Variants in RIPOR2 observed in about 807,000 individuals in gnomAD.
RIPOR2 encodes rho family-interacting cell polarization regulator 2.
RIPOR2 carries 39 observed loss-of-function variants against 114.5 expected under a neutral mutation model. That is an observed-to-expected ratio of 0.34 (90% CI 0.26 to 0.44). RIPOR2 has a LOEUF of 0.44. Ranked by LOEUF, RIPOR2 falls within the 20% of genes least tolerant of loss-of-function variation. The pLI, the probability that RIPOR2 is intolerant of heterozygous loss-of-function variation, is 1.00. For missense variants in RIPOR2, 1,007 were observed against 1,255.1 expected, an observed-to-expected ratio of 0.80 and a Z score of 2.99; for synonymous variants, 445 against 484.4, an observed-to-expected ratio of 0.92 and a Z score of 1.07.
intron 8 of RIPOR2, among the ~76,000 whole-genome samples, chr6:24,860,715 G>A (rs186303984): frequency 1.2e-4 from 18 of 152,270 alleles, no homozygotes; most frequent in Admixed American, 5.9e-4. Flanking sequence ...TTACATCTAG[G>A]TGATGGGTTT....
intron 1 of RIPOR2, among the ~76,000 whole-genome samples, chr6:24,909,352 A>T (rs1302723115): frequency 6.6e-6 from 1 of 152,066 alleles, no homozygotes; most frequent in Non-Finnish European, 1.5e-5. Flanking sequence ...GTTCTCGGAG[A>T]GTTCGTGGCT....
At chr6:24,850,022 T>G in intron 10 of RIPOR2, 72 bp from the exon 11 acceptor site, 1 of 1,323,586 alleles carries the variant, frequency 7.6e-7, no homozygotes, top group Non-Finnish European at 1.1e-6. Context: ...TGTGTCATTT[T>G]TTTTACTGAG....
At chr6:24,963,399 A>T (rs1385119278) in intron 1 of RIPOR2, among the ~76,000 whole-genome samples, 1 of 152,206 alleles carries the variant, frequency 6.6e-6, no homozygotes, top group African/African-American at 2.4e-5. Flanking sequence ...ATCCACACCT[A>T]GAAGAGGAAA....
chr6:24,898,950 GT>G (rs10584291), intron 1 of RIPOR2, among the ~76,000 whole-genome samples: 4,652 of 127,310 alleles, frequency 0.037, 176 homozygotes, highest in African/African-American at 0.11. Flanking sequence ...TCAGGGAGTA[GT>G]TTTTTTTTTT....
At chr6:24,915,598 C>T (rs187153538) in intron 1 of RIPOR2, among the ~76,000 whole-genome samples, 9 of 152,302 alleles carry the variant, frequency 5.9e-5, no homozygotes, top group East Asian at 1.9e-4. Context: ...CTCCTGACCT[C>T]GTGATCCACC....
chr6:24,831,523 C>T (rs1168008506), intron 16 of RIPOR2, among the ~76,000 whole-genome samples: 1 of 152,140 alleles, frequency 6.6e-6, no homozygotes, highest in African/African-American at 2.4e-5. Context: ...GGAGAGGACA[C>T]AAGTCACTCA....
At chr6:24,873,016 G>A (rs1765360285) in intron 3 of RIPOR2, 57 bp from the exon 4 acceptor site, 1 of 1,202,118 alleles carries the variant, frequency 8.3e-7, no homozygotes, top group Admixed American at 1.7e-5. Context: ...GTGGAATCTG[G>A]TGCTGTTGCT....
chr6:24,870,398 T>C (rs1434897859), intron 5 of RIPOR2, among the ~76,000 whole-genome samples: 1 of 152,248 alleles, frequency 6.6e-6, no homozygotes, highest in Non-Finnish European at 1.5e-5. Context: ...TTGTTCATTA[T>C]CCTCATCAGA....
intron 1 of RIPOR2, among the ~76,000 whole-genome samples, chr6:24,979,283 CTT>C (rs60372040): frequency 2.1e-3 from 211 of 99,438 alleles, no homozygotes; most frequent in African/African-American, 7.5e-3. Context: ...TAGGGAAATT[CTT>C]TTTTTTTTTT....
chr6:24,956,932 T>C (rs900721273), intron 1 of RIPOR2, among the ~76,000 whole-genome samples: 1 of 152,246 alleles, frequency 6.6e-6, no homozygotes, highest in Admixed American at 6.5e-5. Flanking sequence ...TTTTTCCAAA[T>C]GGTTAACAAA....
chr6:24,935,629 G>A (rs554150480), intron 1 of RIPOR2, among the ~76,000 whole-genome samples: 224 of 152,220 alleles, frequency 1.5e-3, no homozygotes, highest in Non-Finnish European at 2.4e-3. Flanking sequence ...ATGTATTTGC[G>A]GGAATGACTC....
chr6:25,024,231 T>C, intron 1 of RIPOR2: 1 of 1,524,180 alleles, frequency 6.6e-7, no homozygotes, highest in Non-Finnish European at 9.1e-7. Flanking sequence ...GTAGCGGTCC[T>C]CATACAGTGT....
intron 1 of RIPOR2, among the ~76,000 whole-genome samples, chr6:25,009,461 C>T (rs564751913): frequency 9.2e-4 from 140 of 152,268 alleles, no homozygotes; most frequent in African/African-American, 3.2e-3. Context: ...TTTACTTCTG[C>T]CAGATAAATA....
intron 1 of RIPOR2, among the ~76,000 whole-genome samples, chr6:25,032,102 A>G (rs1407363419): frequency 6.6e-6 from 1 of 151,018 alleles, no homozygotes. Flanking sequence ...GGAAGAGCTG[A>G]GCTCTTGGGG....
At chr6:24,807,847 G>C (rs1197067979) in intron 21 of RIPOR2, among the ~76,000 whole-genome samples, 2 of 152,022 alleles carry the variant, frequency 1.3e-5, no homozygotes, top group Non-Finnish European at 1.5e-5. Context: ...TTTGTCATAG[G>C]GCATTTTATC....
chr6:24,842,343 C>G (rs1761802602), intron 13 of RIPOR2, among the ~76,000 whole-genome samples: 1 of 151,978 alleles, frequency 6.6e-6, no homozygotes, highest in South Asian at 2.1e-4. Flanking sequence ...ATCTCCCGCT[C>G]TAGAGTAGAA....
intron 1 of RIPOR2, among the ~76,000 whole-genome samples, chr6:24,914,300 C>T (rs1053394651): frequency 1.3e-5 from 2 of 152,044 alleles, no homozygotes; most frequent in Non-Finnish European, 2.9e-5. Context: ...TACGTCACTG[C>T]GCCTCCAGCC....
At chr6:24,963,845 T>A (rs565539006) in intron 1 of RIPOR2, among the ~76,000 whole-genome samples, 1 of 152,128 alleles carries the variant, frequency 6.6e-6, no homozygotes, top group East Asian at 1.9e-4. Flanking sequence ...ATACCTTATG[T>A]TTTCTTTTTC....
At position 24,818,791 on chromosome 6, in the gene RIPOR2, G is replaced by A. The variant is rs9379694; in HGVS notation, c.2869-166C>T. ...CCATTGAAATTCATATTAATTAAAA[G>A]AGTCGTTTATTCAATAAATTGATCC... On this transcript the variant is annotated intron_variant, in intron 19 of 21. Coordinates refer to ENST00000643898, the MANE Select transcript of RIPOR2 (RefSeq NM_001286445.3). Among the ~76,000 whole-genome samples, 19,082 of 151,758 alleles carry A rather than the reference G, an allele frequency of 0.13. 1,348 individuals are homozygous for A. The highest frequency in any genetic ancestry group is 0.14 in the Non-Finnish European group (9,798 of 67,848).
Sources: gnomAD v4.1 joint callset for allele counts (sites outside exome capture counted in the v4.1 genomes callset) on GRCh38, gnomAD v4.1.1 for gene constraint, MANE v1.5 for transcripts, NCBI Gene and HGNC (gene_info 2026-07-23, HGNC 2026-07-21) for gene names.